SLC25A48: variants seen among roughly 807,000 people sequenced by gnomAD.
SLC25A48 encodes the protein solute carrier family 25 member 48.
A neutral mutation model predicts 32.2 loss-of-function variants in SLC25A48; 29 were observed. That is an observed-to-expected ratio of 0.90 (90% CI 0.67 to 1.23). The LOEUF is 1.23. SLC25A48 is among the 50% of genes most tolerant of loss of function. The pLI is 0.00. For missense variants in SLC25A48, 399 were observed against 422.7 expected, an observed-to-expected ratio of 0.94 and a Z score of 0.49; for synonymous variants, 164 against 172.3, an observed-to-expected ratio of 0.95 and a Z score of 0.38.
intron 3 of SLC25A48, among the ~76,000 whole-genome samples, chr5:135,798,630 CT>C (rs1172494287): frequency 6.6e-6 from 1 of 151,662 alleles, no homozygotes; most frequent in African/African-American, 2.4e-5. Flanking sequence ...TTTGCACCCC[CT>C]GCTGTGATAG....
At chr5:135,651,297 C>T (rs12523411) in intron 3 of SLC25A48, among the ~76,000 whole-genome samples, 5,270 of 152,222 alleles carry the variant, frequency 0.035, 130 homozygotes, top group African/African-American at 0.057. Flanking sequence ...CTCACAGCCC[C>T]CTCCCTCTCA....
chr5:135,614,746 G>C (rs1416358620), intron 1 of SLC25A48, among the ~76,000 whole-genome samples: 1 of 152,026 alleles, frequency 6.6e-6, no homozygotes, highest in African/African-American at 2.4e-5. Context: ...ACTTGATCAC[G>C]GTTGATATGG....
intron 3 of SLC25A48, among the ~76,000 whole-genome samples, chr5:135,635,903 C>A: frequency 6.6e-6 from 1 of 152,132 alleles, no homozygotes; most frequent in East Asian, 1.9e-4. Context: ...GATTTGATAC[C>A]TTTTTGAGGA....
chr5:135,833,358 C>A (rs1164442129), upstream of SLC25A48, among the ~76,000 whole-genome samples: 1 of 152,256 alleles, frequency 6.6e-6, no homozygotes, highest in Admixed American at 6.5e-5. Context: ...AACTGCCTGG[C>A]ACCCCTTAGG....
chr5:135,595,721 A>G (rs913507015), intron 1 of SLC25A48, among the ~76,000 whole-genome samples: 1 of 152,142 alleles, frequency 6.6e-6, no homozygotes, highest in Non-Finnish European at 1.5e-5. Context: ...ATTAAGTGTA[A>G]TTATTATTAT....
intron 3 of SLC25A48, among the ~76,000 whole-genome samples, chr5:135,720,116 C>A (rs1754913019): frequency 6.6e-6 from 1 of 152,234 alleles, no homozygotes; most frequent in South Asian, 2.1e-4. Context: ...CTCAAAGTCA[C>A]TCCAGCTCCT....
chr5:135,797,310 C>T (rs1212849355), intron 3 of SLC25A48, among the ~76,000 whole-genome samples: 1 of 151,854 alleles, frequency 6.6e-6, no homozygotes, highest in Admixed American at 6.6e-5. Flanking sequence ...TATATTGTTT[C>T]TAATATCCAC....
intron 1 of SLC25A48, among the ~76,000 whole-genome samples, chr5:135,623,577 C>T (rs980896656): frequency 2.0e-5 from 3 of 152,184 alleles, no homozygotes; most frequent in African/African-American, 7.2e-5. Flanking sequence ...TCAGGCTTGT[C>T]CCTTCACTTC....
At chr5:135,839,995 G>C (rs1216703651) in intron 1 of SLC25A48, among the ~76,000 whole-genome samples, 1 of 152,114 alleles carries the variant, frequency 6.6e-6, no homozygotes, top group Non-Finnish European at 1.5e-5. Context: ...AATTACCCAG[G>C]CTTGGGCATG....
At chr5:135,713,278 T>G (rs961027820) in intron 3 of SLC25A48, among the ~76,000 whole-genome samples, 7 of 152,222 alleles carry the variant, frequency 4.6e-5, no homozygotes, top group African/African-American at 1.7e-4. Flanking sequence ...TTTTCAGCAG[T>G]ATAATGGCTT....
At chr5:135,622,751 G>A (rs945966966) in intron 1 of SLC25A48, among the ~76,000 whole-genome samples, 8 of 152,162 alleles carry the variant, frequency 5.3e-5, no homozygotes, top group Non-Finnish European at 2.9e-5. Flanking sequence ...CGATGTACAT[G>A]TATTACATTT....
At chr5:135,866,906 T>C (rs1471200571) in intron 4 of SLC25A48, among the ~76,000 whole-genome samples, 1 of 152,236 alleles carries the variant, frequency 6.6e-6, no homozygotes, top group African/African-American at 2.4e-5. Flanking sequence ...GGAAACCACA[T>C]GCCTCCTGAG....
intron 3 of SLC25A48, among the ~76,000 whole-genome samples, chr5:135,802,645 G>A (rs1418825001): frequency 1.3e-5 from 2 of 151,428 alleles, no homozygotes; most frequent in African/African-American, 4.9e-5. Context: ...TTCACCCTGT[G>A]ATATTATTCA....
chr5:135,740,329 G>T (rs1277974626), intron 3 of SLC25A48, among the ~76,000 whole-genome samples: 6 of 152,124 alleles, frequency 3.9e-5, no homozygotes, highest in Non-Finnish European at 8.8e-5. Context: ...AAGTAGCTAA[G>T]ATTACAGGTA....
rs559678400 is a variant in SLC25A48 at position 135,757,772 on chromosome 5, TTATA to T, written c.-520-54750_-520-54747del. ...TAATAAAGTATCATCTAGATTATAT[TTATA>T]ATGTGTTATTACACAGTGTTAACAC... On this transcript the variant is annotated intron_variant, in intron 3 of 10. Coordinates refer to the SLC25A48 transcript ENST00000646290. Among the ~76,000 whole-genome samples the T allele has an allele frequency of 9.4e-3, 1,409 of 150,312 alleles. 14 individuals carry two copies. Among genetic ancestry groups the T allele is most frequent in the Non-Finnish European group, 0.014 (951 of 67,302 alleles).
intron 3 of SLC25A48, among the ~76,000 whole-genome samples, chr5:135,746,587 C>T (rs1372558853): frequency 6.6e-6 from 1 of 152,162 alleles, no homozygotes; most frequent in Non-Finnish European, 1.5e-5. Flanking sequence ...GAACCTTGGG[C>T]GGAGCGACTG....
chr5:135,823,953 A>G (rs1365102465), intron 4 of SLC25A48, among the ~76,000 whole-genome samples: 1 of 152,236 alleles, frequency 6.6e-6, no homozygotes, highest in African/African-American at 2.4e-5. Context: ...ACTGAGAGCC[A>G]GCAGACTAGT....
At chr5:135,768,056 C>G (rs1481346335) in intron 3 of SLC25A48, among the ~76,000 whole-genome samples, 5 of 149,348 alleles carry the variant, frequency 3.3e-5, no homozygotes, top group African/African-American at 1.2e-4. Context: ...GATGATATTA[C>G]TCCCAATATC....
rs1580832181 is a variant in SLC25A48 at position 135,742,399 on chromosome 5, T to C, written c.-520-70124T>C. ...CCTGGCCTAGGAATCCGTTATTTAA[T>C]AGCCATCACGACCCTCAGATAGAAT... On this transcript the variant is annotated intron_variant, in intron 3 of 10. Coordinates refer to the SLC25A48 transcript ENST00000646290. 6.3e-6 allele frequency: 8 copies of C among 1,278,582 alleles called. No individual in the cohort carries two copies. In the East Asian group the frequency reaches 1.9e-4, roughly 31 times the overall value. The allele number at this position is 1,278,582 out of a possible 1,614,324, so 79.2% of individuals were successfully genotyped here.
Sources: gnomAD v4.1 joint callset for allele counts (sites outside exome capture counted in the v4.1 genomes callset) on GRCh38, gnomAD v4.1.1 for gene constraint, MANE v1.5 for transcripts, NCBI Gene and HGNC (gene_info 2026-07-23, HGNC 2026-07-21) for gene names.